FGF13: variants seen among roughly 807,000 people sequenced by gnomAD.
FGF13 encodes fibroblast growth factor homologous factor 2.
Under a neutral mutation model 19.5 loss-of-function variants are expected in FGF13, and 2 were observed. The observed-to-expected ratio is 0.10, with a 90% CI of 0.04 to 0.32. The LOEUF (loss-of-function observed/expected upper bound fraction) is 0.32. FGF13 is among the 10% of genes least tolerant of loss of function. The probability of loss-of-function intolerance (pLI) is 1.00; values close to 1 mark genes in which losing one functional copy is unlikely to be tolerated. For synonymous variants in FGF13, 72 were observed against 76.9 expected (o/e 0.94, Z 0.33); for missense variants, 113 against 192.7 (o/e 0.59, Z 2.45).
intron 1 of FGF13, among the ~76,000 whole-genome samples, chrX:139,065,498 A>AAAAAAAAAAAG (rs1569449080): frequency 3.6e-5 from 3 of 84,222 alleles, no homozygotes; most frequent in Non-Finnish European, 6.9e-5. Flanking sequence ...AAAAAAAAGA[A>AAAAAAAAAAAG]AAAGAAAAAA....
intron 3 of FGF13, among the ~76,000 whole-genome samples, chrX:138,840,217 A>G (rs902697788): frequency 1.8e-5 from 2 of 112,283 alleles, no homozygotes. Context: ...GAATAGCTGT[A>G]GAAATATTAG....
intron 1 of FGF13, among the ~76,000 whole-genome samples, chrX:139,119,449 T>C (rs772956606): frequency 8.9e-6 from 1 of 112,030 alleles, no homozygotes; most frequent in Admixed American, 9.5e-5. Context: ...TATCATCCTC[T>C]CCATTTTGTA....
chrX:138,905,870 C>A (rs942717472), intron 1 of FGF13, among the ~76,000 whole-genome samples: 1 of 111,335 alleles, frequency 9.0e-6, no homozygotes, highest in African/African-American at 3.3e-5. Context: ...ACCAATGAAC[C>A]ACAGCTAAGC....
chrX:139,164,721 A>AAATAAATAAATAAATAAATG (rs1179073034), intron 1 of FGF13, among the ~76,000 whole-genome samples: 1 of 109,280 alleles, frequency 9.2e-6, no homozygotes, highest in African/African-American at 3.4e-5. Flanking sequence ...ATAAATAAAT[A>AAATAAATAAATAAATAAATG]AATGAATGGA....
At chrX:139,193,677 A>G (rs570819249) in intron 1 of FGF13, among the ~76,000 whole-genome samples, 2 of 111,442 alleles carry the variant, frequency 1.8e-5, no homozygotes, top group African/African-American at 6.5e-5. Context: ...CGGTAGATCA[A>G]GGAATGAGGG....
intron 1 of FGF13, among the ~76,000 whole-genome samples, chrX:139,113,294 A>C (rs1313455010): frequency 2.7e-5 from 3 of 110,048 alleles, no homozygotes; most frequent in African/African-American, 1.0e-4. Flanking sequence ...ATGTACCTAC[A>C]CCTGCCAGGT....
chrX:138,688,153 C>T (rs1050247000), intron 3 of FGF13, among the ~76,000 whole-genome samples: 9 of 107,357 alleles, frequency 8.4e-5, no homozygotes, highest in Non-Finnish European at 1.7e-4. Flanking sequence ...TTAGTAGAGA[C>T]GGGATTTCAC....
At chrX:139,067,226 A>G (rs1156790893) in intron 1 of FGF13, among the ~76,000 whole-genome samples, 1 of 111,833 alleles carries the variant, frequency 8.9e-6, no homozygotes, top group Non-Finnish European at 1.9e-5. Context: ...CCAGCACAAG[A>G]CAAGGATGCC....
At chrX:138,894,918 A>T in intron 1 of FGF13, among the ~76,000 whole-genome samples, 1 of 111,993 alleles carries the variant, frequency 8.9e-6, no homozygotes, top group Non-Finnish European at 1.9e-5. Context: ...CCTCAATAAA[A>T]TACTGGCAAA....
At chrX:139,155,409 T>C (rs2083969496) in intron 1 of FGF13, among the ~76,000 whole-genome samples, 1 of 112,104 alleles carries the variant, frequency 8.9e-6, no homozygotes, top group Non-Finnish European at 1.9e-5. Flanking sequence ...TCTGTCTCTC[T>C]ATAGGCCCTT....
At chrX:139,075,425 G>A (rs1457613991) in intron 1 of FGF13, among the ~76,000 whole-genome samples, 1 of 111,921 alleles carries the variant, frequency 8.9e-6, no homozygotes, top group Non-Finnish European at 1.9e-5. Flanking sequence ...GCAATTACCT[G>A]CTAATGCTTA....
chrX:138,977,798 G>A (rs1477606586), intron 1 of FGF13, among the ~76,000 whole-genome samples: 1 of 112,063 alleles, frequency 8.9e-6, no homozygotes, highest in South Asian at 3.7e-4. Context: ...TACCGTCACT[G>A]TTCTCATGAA....
At chrX:138,808,990 A>C (rs1330025746) in intron 3 of FGF13, among the ~76,000 whole-genome samples, 1 of 111,816 alleles carries the variant, frequency 8.9e-6, no homozygotes, top group Non-Finnish European at 1.9e-5. Flanking sequence ...GACCTGATGG[A>C]TTCACAGCCG....
chrX:138,745,598 A>T (rs1019358400), intron 3 of FGF13, among the ~76,000 whole-genome samples: 1 of 112,485 alleles, frequency 8.9e-6, no homozygotes, highest in Admixed American at 9.4e-5. Context: ...CAATAGGGAC[A>T]AAACAAATCA....
At chrX:138,773,946 A>G (rs191498135) in intron 3 of FGF13, among the ~76,000 whole-genome samples, 21 of 111,289 alleles carry the variant, frequency 1.9e-4, no homozygotes, top group African/African-American at 6.5e-4. Context: ...GATACAAATA[A>G]TCTAAGTCTT....
chrX:138,783,073 C>G (rs1383797534), intron 3 of FGF13, among the ~76,000 whole-genome samples: 1 of 97,560 alleles, frequency 1.0e-5, no homozygotes, highest in African/African-American at 3.9e-5. Context: ...AAAGGATTCC[C>G]TATTTAATAA....
intron 3 of FGF13, among the ~76,000 whole-genome samples, chrX:138,757,590 T>C (rs1424201848): frequency 9.0e-6 from 1 of 111,014 alleles, no homozygotes; most frequent in Non-Finnish European, 1.9e-5. Context: ...AATAGTGAGC[T>C]GGCAGTATAT....
intron 3 of FGF13, among the ~76,000 whole-genome samples, chrX:138,700,621 T>C (rs944644217): frequency 9.0e-6 from 1 of 111,176 alleles, no homozygotes; most frequent in Non-Finnish European, 1.9e-5. Flanking sequence ...AAGGAGTAAT[T>C]GGAAGAATTG....
chrX:138,812,761 G>A (rs1479065959), intron 3 of FGF13, among the ~76,000 whole-genome samples: 3 of 111,187 alleles, frequency 2.7e-5, no homozygotes, highest in Non-Finnish European at 3.8e-5. Flanking sequence ...TGTGCAGAAC[G>A]TGCGGGTTTC....
Sources: allele counts gnomAD v4.1 joint callset (sites outside exome capture counted in the v4.1 genomes callset), GRCh38; gene constraint gnomAD v4.1.1; transcripts MANE v1.5; gene names NCBI Gene and HGNC (gene_info 2026-07-23, HGNC 2026-07-21).